Variants in SLCO2A1 observed in about 807,000 individuals in gnomAD.
SLCO2A1 encodes matrin F/G 1.
Under a neutral mutation model 71.7 loss-of-function variants are expected in SLCO2A1, and 60 were observed. The ratio of observed to expected loss-of-function variants is 0.84; its 90% CI spans 0.68 to 1.04. SLCO2A1 has a LOEUF of 1.04. Ranked by LOEUF, SLCO2A1 falls within the 50% of genes least tolerant of loss-of-function variation. SLCO2A1 has a pLI of 0.00. For synonymous variants in SLCO2A1, 308 were observed against 326.7 expected, an observed-to-expected ratio of 0.94 and a Z score of 0.62; for missense variants, 745 against 813.4, an observed-to-expected ratio of 0.92 and a Z score of 1.02.
At chr3:134,023,759 C>G (rs369859942) in intron 1 of SLCO2A1, among the ~76,000 whole-genome samples, 1 of 152,214 alleles carries the variant, frequency 6.6e-6, no homozygotes, top group Non-Finnish European at 1.5e-5. Context: ...TCCATCTGCA[C>G]GTTAAACAAA....
At chr3:133,937,778 T>C (rs1933309046) in intron 12 of SLCO2A1, among the ~76,000 whole-genome samples, 1 of 152,226 alleles carries the variant, frequency 6.6e-6, no homozygotes, top group African/African-American at 2.4e-5. Flanking sequence ...TTAAGTCTAG[T>C]GCACAGATAT....
Position 133,979,580 on chromosome 3 carries a change from T to G in SLCO2A1, c.135A>C (p.Gln45His). The G allele has an allele frequency of 6.2e-7, 1 of 1,613,748 alleles. No homozygotes were observed. The highest frequency in any genetic ancestry group is 8.5e-7 in the Non-Finnish European group (1 of 1,179,856). Residue 45 changes from glutamine to histidine, a missense_variant, in exon 2 of 14, where the codon CAA becomes CAC. Coordinates refer to ENST00000310926, the MANE Select transcript of SLCO2A1 (RefSeq NM_005630.3). ...TCTTGAAGTAGGCGCTGTACAGGAG[T>G]TGGCAGAGCTGCAGGAGGCCTTGGC... ...VLCQGLLQLC[Q>H]LLYSAYFKSS...
At position 133,935,844 on chromosome 3, in the gene SLCO2A1, G is replaced by A. The variant is rs1275389088; in HGVS notation, c.1744C>T (p.Arg582Trp). The change falls in exon 13 of 14, where the codon CGG (arginine) becomes TGG (tryptophan). Residue 582 changes from arginine (R) to tryptophan (W), a missense_variant. Physicochemically the swap from Arg to Trp is moderately radical, Grantham distance 101 (BLOSUM62 -3). Coordinates refer to ENST00000310926, the MANE Select transcript of SLCO2A1 (RefSeq NM_005630.3). ...YGLTIDHSCI[R>W]WNSLCLGRRG... ...CTCCCCAAGCACAGCGAGTTCCACC[G>A]GATGCAGGAGTGGTCAATGGTGAGG... The A allele has an allele frequency of 3.1e-6, 5 of 1,611,440 alleles. No individual in the cohort carries two copies. The highest frequency in any genetic ancestry group is 1.3e-5 in the African/African-American group (1 of 74,872).
chr3:134,000,901 A>C (rs910133658), intron 1 of SLCO2A1, among the ~76,000 whole-genome samples: 6 of 152,218 alleles, frequency 3.9e-5, no homozygotes, highest in African/African-American at 1.4e-4. Flanking sequence ...GCACATCTGC[A>C]CATTTCCCTT....
At position 133,962,763 on chromosome 3, in the gene SLCO2A1, G is replaced by A. The variant is rs370282706; in HGVS notation, c.398-7570C>T. ...CACGTAACTTATAGAAGCATGGCAG[G>A]TTAGAGGTTGCTAACTCTGACCTTT... On this transcript the variant is annotated intron_variant, in intron 3 of 13. Transcript: ENST00000310926. Among the ~76,000 whole-genome samples, 8 of 152,330 alleles carry A rather than the reference G, an allele frequency of 5.3e-5. No individual in the cohort carries two copies. In the East Asian group the frequency reaches 1.3e-3, roughly 26 times the overall value.
chr3:133,970,816 C>T (rs35992002), intron 3 of SLCO2A1, among the ~76,000 whole-genome samples: 20,739 of 152,078 alleles, frequency 0.14, 1,505 homozygotes, highest in Middle Eastern at 0.23. Context: ...GCCTATGGTG[C>T]GCCCCTGCAG....
intron 3 of SLCO2A1, among the ~76,000 whole-genome samples, chr3:133,963,636 G>A (rs923917130): frequency 6.6e-6 from 1 of 152,232 alleles, no homozygotes; most frequent in Admixed American, 6.5e-5. Context: ...GAGTGTGTGG[G>A]TGAGTAGGGT....
At chr3:133,969,668 C>A (rs745310981) in intron 3 of SLCO2A1, among the ~76,000 whole-genome samples, 13 of 152,020 alleles carry the variant, frequency 8.6e-5, no homozygotes, top group Non-Finnish European at 1.6e-4. Context: ...TTACAGCATA[C>A]CTGGCTTATT....
At chr3:134,029,565 C>T (rs1325224163) in intron 1 of SLCO2A1, 142 bp downstream of exon 1, 1 of 606,958 alleles carries the variant, frequency 1.6e-6, no homozygotes, top group Non-Finnish European at 2.8e-6. Context: ...GCACGCGTCG[C>T]CCGGGGATGA....
At chr3:133,936,139 A>G (rs1933265077) in intron 12 of SLCO2A1, among the ~76,000 whole-genome samples, 1 of 152,256 alleles carries the variant, frequency 6.6e-6, no homozygotes, top group African/African-American at 2.4e-5. Flanking sequence ...AGTAAGTCAC[A>G]GGGATCACCT....
intron 1 of SLCO2A1, among the ~76,000 whole-genome samples, chr3:134,019,184 G>A (rs1260191188): frequency 1.3e-5 from 2 of 152,166 alleles, no homozygotes; most frequent in African/African-American, 4.8e-5. Flanking sequence ...CTTTGACTCT[G>A]AAGTCTCACA....
At chr3:134,025,248 T>C (rs1935677874) in intron 1 of SLCO2A1, among the ~76,000 whole-genome samples, 2 of 152,186 alleles carry the variant, frequency 1.3e-5, no homozygotes, top group Non-Finnish European at 2.9e-5. Flanking sequence ...TACGGTCCTA[T>C]TATTTTATGG....
intron 3 of SLCO2A1, among the ~76,000 whole-genome samples, chr3:133,972,632 C>T (rs1411706760): frequency 3.3e-5 from 5 of 151,974 alleles, no homozygotes; most frequent in Non-Finnish European, 7.4e-5. Context: ...CTAAATAGAA[C>T]TAGAGAAAAA....
intron 1 of SLCO2A1, among the ~76,000 whole-genome samples, chr3:133,986,814 C>T (rs941260353): frequency 1.3e-5 from 2 of 152,212 alleles, no homozygotes; most frequent in South Asian, 2.1e-4. Flanking sequence ...GAGGCTCCCA[C>T]AGCTCAGGAT....
intron 1 of SLCO2A1, among the ~76,000 whole-genome samples, chr3:133,986,032 C>T (rs1004497055): frequency 2.6e-5 from 4 of 152,194 alleles, no homozygotes; most frequent in African/African-American, 7.2e-5. Flanking sequence ...GACTTTCTAC[C>T]GTGGTGGAAA....
intron 1 of SLCO2A1, among the ~76,000 whole-genome samples, chr3:133,983,940 G>C (rs1226905294): frequency 1.3e-5 from 2 of 152,194 alleles, no homozygotes; most frequent in African/African-American, 4.8e-5. Context: ...AGACGGGGCT[G>C]TTTCCAGCCT....
chr3:133,976,974 C>T, intron 2 of SLCO2A1, among the ~76,000 whole-genome samples: 1 of 152,190 alleles, frequency 6.6e-6, no homozygotes, highest in South Asian at 2.1e-4. Context: ...AGAAGGCTCT[C>T]TGAGACTGGA....
chr3:133,940,271 A>G (rs1262309561), intron 11 of SLCO2A1, among the ~76,000 whole-genome samples: 2 of 152,192 alleles, frequency 1.3e-5, no homozygotes, highest in Non-Finnish European at 2.9e-5. Context: ...CCCGGCCTAC[A>G]AAGTCATCTT....
chr3:134,028,500 T>G lies in SLCO2A1; in HGVS notation c.96+1207A>C, dbSNP rs539990784. ...TCAATTCAGCCTGTATTTATTGCGG[T>G]GCGGAAAGAGCAGAAGCAGGAGTGG... On this transcript the variant is annotated intron_variant, in intron 1 of 13. Transcript: ENST00000310926. Among the ~76,000 whole-genome samples the G allele has an allele frequency of 8.5e-5, 13 of 152,264 alleles. No individual in the cohort carries two copies. The South Asian group carries it at 2.7e-3, about 32-fold the overall frequency.
Sources: gnomAD v4.1 joint callset for allele counts (sites outside exome capture counted in the v4.1 genomes callset) on GRCh38, gnomAD v4.1.1 for gene constraint, MANE v1.5 for transcripts, NCBI Gene and HGNC (gene_info 2026-07-23, HGNC 2026-07-21) for gene names.